PIP4K2A: variants seen among roughly 807,000 people sequenced by gnomAD.
PIP4K2A encodes phosphatidylinositol-5-phosphate 4-kinase type 2 alpha.
A neutral mutation model predicts 42.9 loss-of-function variants in PIP4K2A; 14 were observed. The ratio of observed to expected loss-of-function variants is 0.33; its 90% CI spans 0.22 to 0.51. The LOEUF (loss-of-function observed/expected upper bound fraction) is 0.51. Among genes scored for constraint, PIP4K2A ranks in the 20% least tolerant of loss-of-function variants. PIP4K2A has a pLI of 0.97. For missense variants in PIP4K2A, 434 were observed against 519.8 expected (o/e 0.83, Z 1.61); for synonymous variants, 192 against 192.2 (o/e 1.00, Z 0.01).
intron 1 of PIP4K2A, among the ~76,000 whole-genome samples, chr10:22,686,108 T>A (rs578002508): frequency 2.4e-4 from 37 of 152,318 alleles, no homozygotes; most frequent in Non-Finnish European, 4.1e-4. Context: ...TGAGTGTTTA[T>A]CCATCCTGTC....
intron 8 of PIP4K2A, among the ~76,000 whole-genome samples, chr10:22,540,598 C>T (rs1357920497): frequency 6.6e-6 from 1 of 152,126 alleles, no homozygotes; most frequent in Non-Finnish European, 1.5e-5. Context: ...GTTCTTGTTG[C>T]CCAGGCTGGA....
intron 1 of PIP4K2A, among the ~76,000 whole-genome samples, chr10:22,626,807 C>T (rs956248011): frequency 8.5e-5 from 13 of 152,118 alleles, no homozygotes; most frequent in Non-Finnish European, 1.9e-4. Context: ...CAAAAAAATA[C>T]TTTAGCTTTA....
At chr10:22,661,914 G>A (rs1417653903) in intron 1 of PIP4K2A, 1 of 152,028 alleles carries the variant, frequency 6.6e-6, no homozygotes, top group Non-Finnish European at 1.5e-5. Flanking sequence ...GGAAAGCAAA[G>A]ACAAACACTG....
At chr10:22,539,695 C>T (rs1836040806) in intron 9 of PIP4K2A, 4 of 364,646 alleles carry the variant, frequency 1.1e-5, no homozygotes, top group Admixed American at 4.2e-5. Flanking sequence ...AGTGACTTCG[C>T]TGGAAGCCAC....
chr10:22,610,377 G>C (rs964514231), intron 1 of PIP4K2A, among the ~76,000 whole-genome samples: 2 of 152,190 alleles, frequency 1.3e-5, no homozygotes, highest in Non-Finnish European at 2.9e-5. Flanking sequence ...GTGAATGAAA[G>C]GGACAGCTTT....
intron 1 of PIP4K2A, among the ~76,000 whole-genome samples, chr10:22,644,772 T>A (rs757910129): frequency 2.0e-5 from 3 of 152,172 alleles, no homozygotes; most frequent in Non-Finnish European, 4.4e-5. Context: ...CCCTAGTGTG[T>A]ATCTTCTAGG....
rs1038334730 is a variant in PIP4K2A at position 22,614,062 on chromosome 10, GT to G, written c.145-4346del. On this transcript the variant is annotated intron_variant, in intron 1 of 9. Transcript: ENST00000376573. ...CAGGAGCCCGTGGTCACGGGTGTGGGTGACGGGCTTCTTGGAAGGAGTGCAG... is the reference window on the plus strand; with the variant it reads ...CAGGAGCCCGTGGTCACGGGTGTGGGGACGGGCTTCTTGGAAGGAGTGCAG... Among the ~76,000 whole-genome samples, 7 of 152,352 alleles carry G rather than the reference GT, an allele frequency of 4.6e-5. No homozygotes were observed. In the South Asian group the frequency reaches 8.3e-4, roughly 18 times the overall value.
chr10:22,539,881 A>G (rs1182966288), intron 9 of PIP4K2A, 90 bp downstream of exon 9: 9 of 786,438 alleles, frequency 1.1e-5, no homozygotes, highest in African/African-American at 1.9e-5. Flanking sequence ...CACACAGAGG[A>G]GCCAGGAGAG....
At chr10:22,595,758 A>G (rs1015814197) in intron 3 of PIP4K2A, among the ~76,000 whole-genome samples, 1 of 152,184 alleles carries the variant, frequency 6.6e-6, no homozygotes, top group Non-Finnish European at 1.5e-5. Flanking sequence ...TGGTGAGGGC[A>G]CTGGTCTGAG....
intron 1 of PIP4K2A, among the ~76,000 whole-genome samples, chr10:22,631,434 G>T (rs1407006379): frequency 6.6e-6 from 1 of 152,136 alleles, no homozygotes; most frequent in East Asian, 1.9e-4. Flanking sequence ...GAGGACAGGG[G>T]CAGAAGGTGG....
intron 1 of PIP4K2A, among the ~76,000 whole-genome samples, chr10:22,623,293 G>A (rs1046526482): frequency 6.6e-6 from 1 of 152,116 alleles, no homozygotes; most frequent in African/African-American, 2.4e-5. Context: ...GTAATGGTGA[G>A]CTTCCGTACT....
intron 3 of PIP4K2A, among the ~76,000 whole-genome samples, chr10:22,605,675 C>T (rs1837890994): frequency 6.6e-6 from 1 of 151,710 alleles, no homozygotes; most frequent in South Asian, 2.1e-4. Flanking sequence ...ATGCATGGGC[C>T]CTCAAAAGTC....
At chr10:22,675,411 C>T (rs1672326212) in intron 1 of PIP4K2A, among the ~76,000 whole-genome samples, 1 of 152,124 alleles carries the variant, frequency 6.6e-6, no homozygotes, top group Non-Finnish European at 1.5e-5. Context: ...CATGGTGAAA[C>T]CCCATCTCTA....
intron 1 of PIP4K2A, among the ~76,000 whole-genome samples, chr10:22,652,725 T>C (rs960427845): frequency 7.0e-4 from 107 of 152,240 alleles, no homozygotes; most frequent in African/African-American, 2.4e-3. Flanking sequence ...AGAAATGTTA[T>C]GTTCTTAATG....
At chr10:22,628,802 C>T (rs1838496243) in intron 1 of PIP4K2A, among the ~76,000 whole-genome samples, 2 of 152,134 alleles carry the variant, frequency 1.3e-5, no homozygotes, top group Middle Eastern at 3.2e-3. Flanking sequence ...CAGATGAAGC[C>T]TTCAGGTAGC....
intron 1 of PIP4K2A, among the ~76,000 whole-genome samples, chr10:22,711,207 C>T (rs1475387482): frequency 6.6e-6 from 1 of 152,206 alleles, no homozygotes; most frequent in Non-Finnish European, 1.5e-5. Context: ...ATGACCATTG[C>T]CCAAATCAAG....
chr10:22,621,100 C>A (rs766069931), intron 1 of PIP4K2A, among the ~76,000 whole-genome samples: 21 of 152,210 alleles, frequency 1.4e-4, no homozygotes, highest in Non-Finnish European at 2.5e-4. Context: ...AGTTAAGCAT[C>A]ACCATTGATG....
chr10:22,622,130 C>G (rs112312811), intron 1 of PIP4K2A, among the ~76,000 whole-genome samples: 2 of 152,190 alleles, frequency 1.3e-5, no homozygotes, highest in African/African-American at 4.8e-5. Flanking sequence ...CATTGGAGAG[C>G]AGACAATAGA....
chr10:22,608,693 G>A (rs1001299423), intron 2 of PIP4K2A, among the ~76,000 whole-genome samples: 17 of 152,118 alleles, frequency 1.1e-4, no homozygotes, highest in African/African-American at 3.9e-4. Context: ...GGAACATAGT[G>A]AGACCCCTGT....
Sources: gnomAD v4.1 joint callset for allele counts (sites outside exome capture counted in the v4.1 genomes callset) on GRCh38, gnomAD v4.1.1 for gene constraint, MANE v1.5 for transcripts, NCBI Gene and HGNC (gene_info 2026-07-23, HGNC 2026-07-21) for gene names.